The following CACNA1A variants were observed in gnomAD, a reference collection of about 807,000 sequenced individuals.
The protein encoded by CACNA1A is calcium voltage-gated channel subunit alpha1 A, also known as voltage-dependent P/Q-type calcium channel subunit alpha-1A.
Under a neutral mutation model 262.4 loss-of-function variants are expected in CACNA1A, and 57 were observed. The observed-to-expected ratio is 0.22, with a 90% CI of 0.18 to 0.27. CACNA1A has a LOEUF of 0.27. Ranked by LOEUF, CACNA1A falls within the 10% of genes least tolerant of loss-of-function variation. The probability of loss-of-function intolerance (pLI) is 1.00; values close to 1 mark genes in which losing one functional copy is unlikely to be tolerated. For synonymous variants in CACNA1A, 1,431 were observed against 1,419.3 expected (o/e 1.01, Z -0.18); for missense variants, 2,526 against 3,562.8 (o/e 0.71, Z 7.41).
intron 1 of CACNA1A, among the ~76,000 whole-genome samples, chr19:13,464,543 A>ATTTTTTTTTTTTTTTTTTTTTTTT (rs540418372): frequency 4.7e-5 from 6 of 128,958 alleles, no homozygotes; most frequent in East Asian, 2.3e-4. Flanking sequence ...AACTTTTCCA[A>ATTTTTTTTTTTTTTTTTTTTTTTT]TTTTTTTTTT....
chr19:13,444,723 G>T lies in CACNA1A; in HGVS notation c.539+8153C>A, dbSNP rs2060779523. 2.6e-5 allele frequency among the ~76,000 whole-genome samples: 4 copies of T among 152,110 alleles called. No individual in the cohort carries two copies. In the South Asian group the frequency reaches 8.3e-4, roughly 32 times the overall value. On this transcript the variant is annotated intron_variant, in intron 3 of 46. Coordinates refer to ENST00000360228, the MANE Select transcript of CACNA1A (RefSeq NM_001127222.2). ...AAAAAGCCAGGGTTCCTGGCTCCAT[G>T]ACTTGAAGACACCTTCTTATTCTAG...
intron 38 of CACNA1A, among the ~76,000 whole-genome samples, chr19:13,222,972 C>T (rs931268704): frequency 1.3e-5 from 2 of 152,090 alleles, no homozygotes; most frequent in Non-Finnish European, 1.5e-5. Context: ...GGATTACAGG[C>T]GTAAGCCACT....
At chr19:13,329,716 G>A (rs1037494952) in intron 10 of CACNA1A, among the ~76,000 whole-genome samples, 1 of 150,562 alleles carries the variant, frequency 6.6e-6, no homozygotes, top group Admixed American at 6.6e-5. Context: ...CAGGTGATCC[G>A]CTCATCTCAG....
At chr19:13,422,374 G>A (rs1004133537) in intron 3 of CACNA1A, among the ~76,000 whole-genome samples, 1 of 152,122 alleles carries the variant, frequency 6.6e-6, no homozygotes, top group Non-Finnish European at 1.5e-5. Context: ...GGTGATATGG[G>A]TCAAGGCCAG....
chr19:13,242,912 G>A lies in CACNA1A; in HGVS notation c.4950+2270C>T, dbSNP rs190266948. Among the ~76,000 whole-genome samples the A allele has an allele frequency of 2.8e-3, 427 of 152,188 alleles. 1 individual carries two copies. Among genetic ancestry groups the A allele is most frequent in the East Asian group, 3.5e-3 (18 of 5,180 alleles). On this transcript the variant is annotated intron_variant, in intron 31 of 46. Transcript: ENST00000360228. ...CTGGGGGCTGTTTGGCTACTGCAAG[G>A]GTCCTGATGTCCCATGAACACCCCA...
chr19:13,435,877 T>C (rs967551742), intron 3 of CACNA1A, among the ~76,000 whole-genome samples: 1 of 152,124 alleles, frequency 6.6e-6, no homozygotes, highest in African/African-American at 2.4e-5. Context: ...CAGGCTGGAG[T>C]GCAGTGGCGC....
At chr19:13,396,287 C>G (rs1411290860) in intron 3 of CACNA1A, among the ~76,000 whole-genome samples, 1 of 152,220 alleles carries the variant, frequency 6.6e-6, no homozygotes, top group African/African-American at 2.4e-5. Flanking sequence ...AAGCCTCCAT[C>G]GCAGCAAAGC....
At chr19:13,260,335 T>TGTTG (rs1471515602) in intron 26 of CACNA1A, 1 of 135,660 alleles carries the variant, frequency 7.4e-6, no homozygotes, top group Admixed American at 7.4e-5. Flanking sequence ...TATATATATT[T>TGTTG]TTGTTGTTGT....
chr19:13,484,282 AAC>A (rs1367428353), intron 1 of CACNA1A, among the ~76,000 whole-genome samples: 3 of 152,158 alleles, frequency 2.0e-5, no homozygotes, highest in African/African-American at 7.2e-5. Flanking sequence ...GTTGTTAATA[AAC>A]AGTCATTGTT....
chr19:13,283,406 A>G lies in CACNA1A; in HGVS notation c.3693-10T>C. 1 of 1,613,790 alleles carries G rather than the reference A, an allele frequency of 6.2e-7. No individual in the cohort carries two copies. Among genetic ancestry groups the G allele is most frequent in the Non-Finnish European group, 8.5e-7 (1 of 1,179,778 alleles). On this transcript the variant is annotated splice_polypyrimidine_tract_variant and intron_variant, in intron 21 of 46. Transcript: ENST00000360228. ...GCACAGGCGGCGAAGGCTGTTGGAG[A>G]CAGATGGGCGTGCAGAGGTCCACTC...
At chr19:13,335,704 T>A in intron 7 of CACNA1A, 102 bp downstream of exon 7, 1 of 801,842 alleles carries the variant, frequency 1.2e-6, no homozygotes. Flanking sequence ...AGAAGCCTTT[T>A]CTCTGTCTAG....
chr19:13,298,880 C>T lies in CACNA1A; in HGVS notation c.2753G>A (p.Gly918Asp). ...CCCGGCCTTGCCTCGCTCGGCCTCGCCCTCCCAGAACCCGGGTTGCTCCAG... is the reference window on the plus strand; with the variant it reads ...CCCGGCCTTGCCTCGCTCGGCCTCGTCCTCCCAGAACCCGGGTTGCTCCAG... Reference protein sequence around the residue: ...GSLEQPGFWEGEAERGKAGDP... With the variant: ...GSLEQPGFWEDEAERGKAGDP... The change falls in exon 19 of 47, where the codon GGC (glycine) becomes GAC (aspartate). Residue 918 changes from glycine (G) to aspartate (D), a missense_variant. This residue lies in a region of CACNA1A where 765 missense variants were observed against 748.6 expected (regional missense o/e 1.02). Coordinates refer to ENST00000360228, the MANE Select transcript of CACNA1A (RefSeq NM_001127222.2). The T allele has an allele frequency of 1.3e-6, 2 of 1,593,448 alleles. No homozygotes were observed. The highest frequency in any genetic ancestry group is 1.7e-6 in the Non-Finnish European group (2 of 1,177,520).
chr19:13,246,988 C>T (rs1221916788), intron 30 of CACNA1A, among the ~76,000 whole-genome samples: 2 of 152,186 alleles, frequency 1.3e-5, no homozygotes, highest in Non-Finnish European at 2.9e-5. Flanking sequence ...GCCTCAAGTC[C>T]CACAAGGTCT....
rs570810313 is a variant in CACNA1A at position 13,269,408 on chromosome 19, C to A, written c.3989+6442G>T. Among the ~76,000 whole-genome samples the A allele has an allele frequency of 3.4e-4, 52 of 152,308 alleles. No homozygotes were observed. In the South Asian group the frequency reaches 0.011, roughly 31 times the overall value. On this transcript the variant is annotated intron_variant, in intron 24 of 46. Transcript: ENST00000360228. The stretch of plus-strand genomic sequence containing the variant: ...AGGTGTGGGTATCTCGCACTCTAAT[C>A]TTCTTTCCATTTCATCATACACAAG...
At chr19:13,408,719 G>C (rs547634982) in intron 3 of CACNA1A, among the ~76,000 whole-genome samples, 15 of 152,218 alleles carry the variant, frequency 9.9e-5, no homozygotes, top group Non-Finnish European at 2.2e-4. Context: ...CTTCCCATAA[G>C]CTCATGGCTT....
At chr19:13,397,301 A>T (rs1026824424) in intron 3 of CACNA1A, among the ~76,000 whole-genome samples, 2 of 152,138 alleles carry the variant, frequency 1.3e-5, no homozygotes, top group Non-Finnish European at 2.9e-5. Context: ...GGGGAGAGAC[A>T]TTCTTCCAGA....
At chr19:13,218,437 A>G (rs2055100127) in intron 38 of CACNA1A, among the ~76,000 whole-genome samples, 1 of 152,200 alleles carries the variant, frequency 6.6e-6, no homozygotes, top group Non-Finnish European at 1.5e-5. Context: ...GGTTGGCAGT[A>G]CACGGTGCGT....
At chr19:13,453,200 T>C (rs895321987) in intron 2 of CACNA1A, among the ~76,000 whole-genome samples, 185 bp from the exon 3 acceptor site, 10 of 152,224 alleles carry the variant, frequency 6.6e-5, no homozygotes, top group African/African-American at 2.4e-4. Context: ...GCAAAGCCAA[T>C]GCCTAGAGAA....
rs1021297434 is a variant in CACNA1A, at chr19:13,298,680, G to C, written c.2953C>G (p.Pro985Ala). ...CCCTCGCCCTCGCCGCCCCGGGCCG[G>C]CCGGCTGCCCTCGCGGTGCCGCGCC... ...RRARHREGSR[P>A]ARGGEGEGEG... Residue 985 changes from proline (P) to alanine (A), a missense_variant, in exon 19 of 47, where the codon CCG (proline) becomes GCG (alanine). By Grantham distance (27) the Pro-to-Ala change is conservative (BLOSUM62 -1). Around this residue, in one of 17 missense-constraint regions of CACNA1A, gnomAD observed 765 missense variants for 748.6 expected, o/e 1.02. Coordinates refer to ENST00000360228, the MANE Select transcript of CACNA1A (RefSeq NM_001127222.2). The C allele has an allele frequency of 1.4e-6, 2 of 1,471,126 alleles. No individual in the cohort carries two copies. The highest frequency in any genetic ancestry group is 1.8e-6 in the Non-Finnish European group (2 of 1,114,580). The allele number at this position is 1,471,126 out of a possible 1,614,324, so 91.1% of individuals were successfully genotyped here.
Sources: allele counts gnomAD v4.1 joint callset (sites outside exome capture counted in the v4.1 genomes callset), GRCh38; gene constraint gnomAD v4.1.1; regional missense constraint gnomAD v4.1.1; transcripts MANE v1.5; gene names NCBI Gene and HGNC (gene_info 2026-07-23, HGNC 2026-07-21).